LRRC4C: variants seen among roughly 807,000 people sequenced by gnomAD.
LRRC4C encodes the protein leucine rich repeat containing 4C.
A neutral mutation model predicts 33.6 loss-of-function variants in LRRC4C; 5 were observed. The ratio of observed to expected loss-of-function variants is 0.15; its 90% confidence interval spans 0.08 to 0.31. The LOEUF is 0.31. Ranked by LOEUF, LRRC4C falls within the 10% of genes least tolerant of loss-of-function variation. The probability of loss-of-function intolerance (pLI) is 1.00; values close to 1 mark genes in which losing one functional copy is unlikely to be tolerated. For missense variants in LRRC4C, 560 were observed against 796.7 expected (o/e 0.70, Z 3.58); for synonymous variants, 329 against 302.0 (o/e 1.09, Z -0.93).
rs191624008 is a variant in LRRC4C, at chr11:41,178,750, C to T, written c.-495-245027G>A. ...ACGGAGTCTCGCTCTGTCCCCCAGGCTGAAGTGCAGTAGCGCAATCTCAGG... is the reference window on the plus strand; with the variant it reads ...ACGGAGTCTCGCTCTGTCCCCCAGGTTGAAGTGCAGTAGCGCAATCTCAGG... On this transcript the variant is annotated intron_variant, in intron 1 of 6. Coordinates refer to ENST00000528697, the MANE Select transcript of LRRC4C (RefSeq NM_001258419.2). 3.9e-5 allele frequency among the ~76,000 whole-genome samples: 6 copies of T among 152,342 alleles called. No homozygotes were observed. In the East Asian group the frequency reaches 1.2e-3, roughly 29 times the overall value.
chr11:41,003,240 A>T (rs1233169447), intron 1 of LRRC4C, among the ~76,000 whole-genome samples: 1 of 152,070 alleles, frequency 6.6e-6, no homozygotes, highest in African/African-American at 2.4e-5. Flanking sequence ...CCATTTTTTC[A>T]AAGGGAGTAA....
At chr11:40,468,387 T>C (rs1379119427) in intron 3 of LRRC4C, among the ~76,000 whole-genome samples, 1 of 152,216 alleles carries the variant, frequency 6.6e-6, no homozygotes, top group Non-Finnish European at 1.5e-5. Flanking sequence ...CTTAGTATTT[T>C]ATCTAAAAGA....
chr11:41,420,435 G>T (rs140926686), intron 1 of LRRC4C, among the ~76,000 whole-genome samples: 1 of 151,968 alleles, frequency 6.6e-6, no homozygotes, highest in Admixed American at 6.6e-5. Context: ...TTTTCTACAC[G>T]CAGTGCCCCA....
chr11:41,069,921 A>C (rs1359702247), intron 1 of LRRC4C, among the ~76,000 whole-genome samples: 1 of 152,222 alleles, frequency 6.6e-6, no homozygotes, highest in Non-Finnish European at 1.5e-5. Context: ...AAATTACTTT[A>C]AATTTCATAT....
At chr11:41,015,473 C>A (rs1855514591) in intron 1 of LRRC4C, among the ~76,000 whole-genome samples, 1 of 152,074 alleles carries the variant, frequency 6.6e-6, no homozygotes, top group Admixed American at 6.6e-5. Flanking sequence ...GGATTATAGG[C>A]ACACACCAGT....
intron 4 of LRRC4C, among the ~76,000 whole-genome samples, chr11:40,316,768 T>C (rs1945593503): frequency 6.6e-6 from 1 of 151,948 alleles, no homozygotes; most frequent in South Asian, 2.1e-4. Context: ...AAAATTAAAC[T>C]TAGAATGCTT....
chr11:40,954,593 C>T (rs1167482877), intron 1 of LRRC4C, among the ~76,000 whole-genome samples: 1 of 151,794 alleles, frequency 6.6e-6, no homozygotes. Context: ...ATTTCTAATT[C>T]AAGTGAGACC....
chr11:41,213,946 A>G (rs1180139291), intron 1 of LRRC4C, among the ~76,000 whole-genome samples: 2 of 152,332 alleles, frequency 1.3e-5, no homozygotes, highest in South Asian at 2.1e-4. Flanking sequence ...TCATTCTGCT[A>G]TAAATTTGAT....
chr11:40,780,517 A>G (rs1950171639), intron 2 of LRRC4C, among the ~76,000 whole-genome samples: 1 of 152,156 alleles, frequency 6.6e-6, no homozygotes, highest in Admixed American at 6.5e-5. Flanking sequence ...AATGAGAGCT[A>G]TTTAATATGA....
intron 3 of LRRC4C, among the ~76,000 whole-genome samples, chr11:40,631,522 A>G (rs1591323335): frequency 6.6e-6 from 1 of 150,996 alleles, no homozygotes; most frequent in East Asian, 1.9e-4. Flanking sequence ...GCGAACTCTG[A>G]CTCTGTTGCT....
chr11:41,066,868 G>A (rs2135399630), intron 1 of LRRC4C, among the ~76,000 whole-genome samples: 1 of 152,232 alleles, frequency 6.6e-6, no homozygotes, highest in East Asian at 1.9e-4. Flanking sequence ...AAATGCTGAG[G>A]GAATTCATCA....
At chr11:40,663,479 A>G (rs1042426865) in intron 2 of LRRC4C, among the ~76,000 whole-genome samples, 1 of 152,184 alleles carries the variant, frequency 6.6e-6, no homozygotes, top group African/African-American at 2.4e-5. Flanking sequence ...ACCTAGACAC[A>G]TTTTCTATTA....
intron 1 of LRRC4C, among the ~76,000 whole-genome samples, chr11:41,008,482 C>T (rs1476675541): frequency 6.6e-6 from 1 of 152,120 alleles, no homozygotes; most frequent in Admixed American, 6.5e-5. Flanking sequence ...TCAGAATTTA[C>T]AGCCCATACT....
At chr11:40,632,579 C>G (rs573477621) in intron 3 of LRRC4C, among the ~76,000 whole-genome samples, 1 of 152,202 alleles carries the variant, frequency 6.6e-6, no homozygotes, top group Non-Finnish European at 1.5e-5. Flanking sequence ...AGAAGACACT[C>G]TGCATTTTAA....
At chr11:40,381,145 G>C (rs1379828460) in intron 3 of LRRC4C, among the ~76,000 whole-genome samples, 1 of 151,088 alleles carries the variant, frequency 6.6e-6, no homozygotes, top group South Asian at 2.1e-4. Flanking sequence ...GGATTAATTC[G>C]ACCTAGACAA....
intron 1 of LRRC4C, among the ~76,000 whole-genome samples, chr11:41,356,603 T>A (rs1156349327): frequency 6.6e-6 from 1 of 152,128 alleles, no homozygotes; most frequent in Admixed American, 6.6e-5. Context: ...GGCATGACTT[T>A]AATCCTCCAT....
intron 4 of LRRC4C, among the ~76,000 whole-genome samples, chr11:40,255,179 G>T (rs1729693681): frequency 6.6e-6 from 1 of 152,042 alleles, no homozygotes; most frequent in Non-Finnish European, 1.5e-5. Flanking sequence ...GGAAGTATGA[G>T]GATAGGACTA....
intron 5 of LRRC4C, among the ~76,000 whole-genome samples, chr11:40,154,695 A>G (rs542106704): frequency 6.6e-6 from 1 of 152,304 alleles, no homozygotes; most frequent in South Asian, 2.1e-4. Context: ...GGAACTCCCA[A>G]ATTTATACAA....
At chr11:40,523,545 T>C (rs1056523515) in intron 3 of LRRC4C, among the ~76,000 whole-genome samples, 2 of 149,172 alleles carry the variant, frequency 1.3e-5, no homozygotes, top group Non-Finnish European at 3.0e-5. Context: ...ATATTATATA[T>C]AAATGAAAAT....
Sources: allele counts gnomAD v4.1 joint callset (sites outside exome capture counted in the v4.1 genomes callset), GRCh38; gene constraint gnomAD v4.1.1; transcripts MANE v1.5; gene names NCBI Gene and HGNC (gene_info 2026-07-23, HGNC 2026-07-21).